Variants in AP3B2 observed in about 807,000 individuals in gnomAD.
AP3B2 encodes AP-3 complex subunit beta-2.
A neutral mutation model predicts 126.9 loss-of-function variants in AP3B2; 50 were observed. That is an observed-to-expected ratio of 0.39 (90% CI 0.31 to 0.50). The LOEUF is 0.50. Ranked by LOEUF, AP3B2 falls within the 20% of genes least tolerant of loss-of-function variation. The probability of loss-of-function intolerance (pLI) is 0.79; values close to 1 mark genes in which losing one functional copy is unlikely to be tolerated. For missense variants in AP3B2, 1,177 were observed against 1,426.4 expected, an observed-to-expected ratio of 0.83 and a Z score of 2.82; for synonymous variants, 541 against 565.0, an observed-to-expected ratio of 0.96 and a Z score of 0.60.
intron 1 of AP3B2, among the ~76,000 whole-genome samples, chr15:82,700,574 T>A (rs2048705732): frequency 6.6e-6 from 1 of 151,406 alleles, no homozygotes; most frequent in African/African-American, 2.4e-5. Context: ...AATTTTTGTA[T>A]TTTTAGTAGA....
chr15:82,695,721 G>A (rs1438498347), intron 1 of AP3B2, among the ~76,000 whole-genome samples: 1 of 152,168 alleles, frequency 6.6e-6, no homozygotes, highest in East Asian at 1.9e-4. Flanking sequence ...GCCACTCACA[G>A]AGTTGAACCC....
chr15:82,692,080 T>G, intron 1 of AP3B2: 1 of 1,493,382 alleles, frequency 6.7e-7, no homozygotes, highest in Non-Finnish European at 9.3e-7. Flanking sequence ...AGAAGGCCCA[T>G]TCCTCCCACC....
At chr15:82,695,605 C>T (rs1445299969) in intron 1 of AP3B2, among the ~76,000 whole-genome samples, 1 of 152,168 alleles carries the variant, frequency 6.6e-6, no homozygotes, top group Non-Finnish European at 1.5e-5. Context: ...GGGAGCTCTG[C>T]ACCCCTCCTT....
At chr15:82,703,052 A>G (rs2048743544) in intron 1 of AP3B2, among the ~76,000 whole-genome samples, 1 of 152,042 alleles carries the variant, frequency 6.6e-6, no homozygotes, top group African/African-American at 2.4e-5. Flanking sequence ...CTTTTCTGGT[A>G]GAGACAGGAA....
intron 1 of AP3B2, among the ~76,000 whole-genome samples, chr15:82,706,286 C>T (rs117002178): frequency 0.018 from 2,704 of 152,240 alleles, 30 homozygotes; most frequent in Non-Finnish European, 0.026. Flanking sequence ...TGCCTTAACT[C>T]GAGCCCTCAG....
chr15:82,699,604 G>C, intron 1 of AP3B2: 1 of 399,932 alleles, frequency 2.5e-6, no homozygotes, highest in Non-Finnish European at 4.4e-6. Flanking sequence ...TGGCTGTGTG[G>C]GTAGGGGGTT....
At chr15:82,706,022 T>C (rs1226423090) in intron 1 of AP3B2, among the ~76,000 whole-genome samples, 1 of 152,208 alleles carries the variant, frequency 6.6e-6, no homozygotes. Flanking sequence ...GCGGTTGGAA[T>C]TCTTACACAA....
At chr15:82,709,117 G>A (rs2048838796) in intron 1 of AP3B2, among the ~76,000 whole-genome samples, 1 of 152,158 alleles carries the variant, frequency 6.6e-6, no homozygotes, top group South Asian at 2.1e-4. Context: ...GGACCAGAGG[G>A]AGGGGAAATG....
intron 1 of AP3B2, chr15:82,692,419 C>T (rs1208789084): frequency 6.7e-6 from 3 of 446,960 alleles, no homozygotes; most frequent in East Asian, 4.7e-5. Flanking sequence ...GGCTCTGAGG[C>T]GCTCAGCCGC....
intron 1 of AP3B2, among the ~76,000 whole-genome samples, chr15:82,708,396 C>T (rs1324646996): frequency 2.6e-5 from 4 of 152,060 alleles, no homozygotes; most frequent in Admixed American, 6.6e-5. Context: ...CATGGACGTG[C>T]GTGAAAATCC....
intron 24 of AP3B2, 53 bp downstream of exon 24, chr15:82,662,115 C>T: frequency 1.3e-6 from 2 of 1,503,970 alleles, no homozygotes; most frequent in South Asian, 1.2e-5. Flanking sequence ...TTCATTGTTA[C>T]CCTGTCCCTT....
rs2048003184 is a variant in AP3B2 at position 82,663,869 on chromosome 15, A to T, written c.2368T>A (p.Ser790Thr). Residue 790 changes from serine to threonine, a missense_variant, in exon 20 of 27, where the codon TCA (serine) becomes ACA (threonine). Physicochemically the swap from Ser to Thr is moderately conservative, Grantham distance 58. Around this residue, in one of 5 missense-constraint regions of AP3B2, gnomAD observed 587 missense variants for 571.3 expected, o/e 1.03. Transcript: ENST00000535359. ...DEGSDSSSSS[S>T]ESEMTSESEE... ...GACTCCGATGTCATCTCGGACTCTG[A>T]TGAGCTACTGCTGGAATCGCTGCCC... 1 of 1,613,894 alleles carries T rather than the reference A, an allele frequency of 6.2e-7. No homozygotes were observed. Among genetic ancestry groups the T allele is most frequent in the Non-Finnish European group, 8.5e-7 (1 of 1,179,868 alleles).
rs780094503 is a variant in AP3B2, at chr15:82,659,580, T to A, written c.3286A>T (p.Ile1096Leu). ...VIGTMLVKDV[I>L]QALTQ Reference sequence around the variant, plus strand: ...GGAAGTCACTGGGTCAGAGCCTGTATCACATCCTTTACCAGCATGGTGCCA... The same window carrying A: ...GGAAGTCACTGGGTCAGAGCCTGTAACACATCCTTTACCAGCATGGTGCCA... The change falls in exon 27 of 27, where the codon ATA (isoleucine) becomes TTA (leucine). Residue 1096 changes from isoleucine (I) to leucine (L), a missense_variant. Transcript: ENST00000535359. 6.2e-7 allele frequency: 1 copy of A among 1,613,892 alleles called. No homozygotes were observed. The highest frequency in any genetic ancestry group is 8.5e-7 in the Non-Finnish European group (1 of 1,179,860).
At chr15:82,693,944 G>A (rs1265799461) in intron 1 of AP3B2, among the ~76,000 whole-genome samples, 2 of 151,900 alleles carry the variant, frequency 1.3e-5, no homozygotes, top group South Asian at 2.1e-4. Flanking sequence ...CAGTTGATCC[G>A]CCCACCTCAG....
At position 82,689,147 on chromosome 15, in the gene AP3B2, G is replaced by A. The variant is rs756274395; in HGVS notation, c.264+11C>T. ...GTGGGGACAAGCAATCCCTCACCAGGTAGTGCTCACCTCTATGTTCTTACA... is the reference window on the plus strand; with the variant it reads ...GTGGGGACAAGCAATCCCTCACCAGATAGTGCTCACCTCTATGTTCTTACA... On this transcript the variant is annotated intron_variant, in intron 3 of 26. Transcript: ENST00000535359. 1.4e-5 allele frequency: 22 copies of A among 1,613,682 alleles called. No homozygotes were observed. The African/African-American group carries it at 2.4e-4, about 18-fold the overall frequency.
chr15:82,692,009 A>C, intron 1 of AP3B2: 1 of 1,460,744 alleles, frequency 6.8e-7, no homozygotes, highest in Non-Finnish European at 9.5e-7. Flanking sequence ...GTGATCCTTC[A>C]GGTCCTGCCA....
chr15:82,697,889 T>C (rs1471222822), intron 1 of AP3B2: 3 of 152,308 alleles, frequency 2.0e-5, no homozygotes, highest in Non-Finnish European at 4.4e-5. Flanking sequence ...GTTGAGTTTC[T>C]TAGTGGGTAG....
chr15:82,677,891 TATC>T (rs1475652014), intron 11 of AP3B2, 88 bp from the exon 12 acceptor site: 3 of 1,469,174 alleles, frequency 2.0e-6, no homozygotes, highest in African/African-American at 1.4e-5. Context: ...TTTTATGGCT[TATC>T]ATGCCGGTGA....
intron 1 of AP3B2, chr15:82,699,759 G>A: frequency 2.5e-6 from 1 of 399,452 alleles, no homozygotes; most frequent in East Asian, 3.6e-5. Context: ...CCTGGTACCG[G>A]AGTGGGGGCC....
Sources: gnomAD v4.1 joint callset for allele counts (sites outside exome capture counted in the v4.1 genomes callset) on GRCh38, gnomAD v4.1.1 for gene constraint, gnomAD v4.1.1 regional missense constraint, MANE v1.5 for transcripts, NCBI Gene and HGNC (gene_info 2026-07-23, HGNC 2026-07-21) for gene names.